Variants in DNM3 observed in about 807,000 individuals in gnomAD.
DNM3 encodes the protein dynamin 3.
A neutral mutation model predicts 101.6 loss-of-function variants in DNM3; 47 were observed. The ratio of observed to expected loss-of-function variants is 0.46; its 90% CI spans 0.37 to 0.59. The LOEUF (loss-of-function observed/expected upper bound fraction) is 0.59. Ranked by LOEUF, DNM3 falls within the 20% of genes least tolerant of loss-of-function variation. The probability of loss-of-function intolerance (pLI) is 0.00; values close to 1 mark genes in which losing one functional copy is unlikely to be tolerated. For synonymous variants in DNM3, 385 were observed against 387.9 expected (o/e 0.99, Z 0.09); for missense variants, 849 against 1,085.7 (o/e 0.78, Z 3.06).
chr1:172,309,444 T>C (rs2064987798), intron 16 of DNM3: 1 of 152,226 alleles, frequency 6.6e-6, no homozygotes, highest in African/African-American at 2.4e-5. Flanking sequence ...TTGTGTTCTT[T>C]GGAAAATGTA....
intron 1 of DNM3, among the ~76,000 whole-genome samples, chr1:171,857,238 A>C: frequency 6.6e-6 from 1 of 152,318 alleles, no homozygotes; most frequent in East Asian, 1.9e-4. Context: ...GGATACATAG[A>C]TGGAGGGAGA....
chr1:172,107,256 CTG>C (rs1195271693), intron 13 of DNM3, among the ~76,000 whole-genome samples: 3 of 152,146 alleles, frequency 2.0e-5, no homozygotes, highest in Non-Finnish European at 4.4e-5. Context: ...GAAAAAAATA[CTG>C]TGTACTTTAT....
chr1:172,194,938 T>A (rs1292672054), intron 14 of DNM3, among the ~76,000 whole-genome samples: 3 of 152,164 alleles, frequency 2.0e-5, no homozygotes, highest in African/African-American at 7.2e-5. Context: ...CATTAGTTGA[T>A]GCAGTTTCTT....
chr1:172,029,212 C>T (rs2048425157), intron 4 of DNM3, among the ~76,000 whole-genome samples: 1 of 152,146 alleles, frequency 6.6e-6, no homozygotes, highest in Non-Finnish European at 1.5e-5. Context: ...TTATCCACCA[C>T]AATTAAGTTG....
intron 14 of DNM3, among the ~76,000 whole-genome samples, chr1:172,233,322 C>A (rs948650617): frequency 1.2e-4 from 19 of 152,142 alleles, no homozygotes; most frequent in Admixed American, 5.2e-4. Flanking sequence ...CACATACACC[C>A]TCAGAAGACT....
At chr1:172,021,583 T>C (rs935781990) in intron 4 of DNM3, among the ~76,000 whole-genome samples, 5 of 152,248 alleles carry the variant, frequency 3.3e-5, no homozygotes, top group African/African-American at 1.2e-4. Flanking sequence ...ATTACTGTAT[T>C]GATGCAGTTG....
intron 12 of DNM3, among the ~76,000 whole-genome samples, chr1:172,082,705 G>A (rs2053249456): frequency 6.6e-6 from 1 of 152,166 alleles, no homozygotes; most frequent in South Asian, 2.1e-4. Context: ...ATAAAAAAAT[G>A]ACAGAATGTC....
intron 1 of DNM3, among the ~76,000 whole-genome samples, chr1:171,859,433 G>A (rs2033951931): frequency 6.6e-6 from 1 of 151,864 alleles, no homozygotes; most frequent in South Asian, 2.1e-4. Context: ...TCGAGGGCAG[G>A]GTCTCTTTTA....
chr1:171,982,628 C>T (rs1047173900), intron 2 of DNM3, among the ~76,000 whole-genome samples: 12 of 151,178 alleles, frequency 7.9e-5, no homozygotes, highest in African/African-American at 2.7e-4. Flanking sequence ...TGAGGTCACT[C>T]ATTTAGGATC....
intron 1 of DNM3, among the ~76,000 whole-genome samples, chr1:171,918,229 G>A (rs529401752): frequency 8.5e-5 from 13 of 152,234 alleles, no homozygotes; most frequent in African/African-American, 2.2e-4. Flanking sequence ...ACATTTTTCC[G>A]TGGTGCTTGG....
At position 172,388,677 on chromosome 1, in the gene DNM3, G is replaced by T. The variant is rs1396280258; in HGVS notation, c.2390G>T (p.Gly797Val). The T allele has an allele frequency of 6.2e-7, 1 of 1,613,856 alleles. No homozygotes were observed. The highest frequency in any genetic ancestry group is 1.7e-5 in the Admixed American group (1 of 60,008). Residue 797 changes from glycine (G) to valine (V), a missense_variant, in exon 20 of 21, where the codon GGC (glycine) becomes GTC (valine). By Grantham distance (109) the Gly-to-Val change is moderately radical. Around this residue, in one of 5 missense-constraint regions of DNM3, gnomAD observed 256 missense variants for 311.7 expected, o/e 0.82. Transcript: ENST00000627582. ...CCAGCTCCTGCCATTCCCTCTCCTGGCCCCCACTCTGGGGCTCCTCCAGTC... is the reference window on the plus strand; with the variant it reads ...CCAGCTCCTGCCATTCCCTCTCCTGTCCCCCACTCTGGGGCTCCTCCAGTC... ...RGPAPAIPSP[G>V]PHSGAPPVPF... is the part of the protein sequence containing the mutation.
chr1:172,264,154 G>A (rs2062772383), intron 15 of DNM3, among the ~76,000 whole-genome samples: 1 of 152,156 alleles, frequency 6.6e-6, no homozygotes, highest in South Asian at 2.1e-4. Flanking sequence ...TACTTCAAAT[G>A]GGAAATAGTA....
At chr1:172,005,150 A>T (rs1485894601) in intron 4 of DNM3, among the ~76,000 whole-genome samples, 4 of 152,000 alleles carry the variant, frequency 2.6e-5, no homozygotes, top group Non-Finnish European at 2.9e-5. Flanking sequence ...AAATTTCTTA[A>T]TTTCTCTGTG....
intron 4 of DNM3, among the ~76,000 whole-genome samples, chr1:172,027,233 T>C (rs1438707894): frequency 1.3e-5 from 2 of 152,070 alleles, no homozygotes; most frequent in African/African-American, 2.4e-5. Context: ...CAGGATCAAA[T>C]TCACACATAA....
chr1:172,408,097 C>G lies in DNM3; in HGVS notation c.*256C>G. The stretch of plus-strand genomic sequence containing the variant: ...GGTAGGTTTGTATAGCAGCCCTATA[C>G]TTTGGGGATCATTTGCCTACCATGG... On this transcript the variant is annotated 3_prime_UTR_variant, in exon 21 of 21. Transcript: ENST00000627582. 7.9e-7 allele frequency: 1 copy of G among 1,259,998 alleles called. No individual in the cohort carries two copies. Among genetic ancestry groups the G allele is most frequent in the Non-Finnish European group, 1.0e-6 (1 of 997,558 alleles). The allele number at this position is 1,259,998 out of a possible 1,614,324, so 78.1% of individuals were successfully genotyped here.
chr1:171,977,002 A>G (rs969190942), intron 2 of DNM3, among the ~76,000 whole-genome samples: 1 of 152,026 alleles, frequency 6.6e-6, no homozygotes, highest in African/African-American at 2.4e-5. Flanking sequence ...AAGTCTCATC[A>G]TTTTGCTTTT....
chr1:171,863,860 T>C (rs1028765136), intron 1 of DNM3, among the ~76,000 whole-genome samples: 4 of 152,190 alleles, frequency 2.6e-5, no homozygotes, highest in Non-Finnish European at 4.4e-5. Flanking sequence ...AGCCCACAGG[T>C]AGAAGGTATT....
At chr1:172,155,436 G>A (rs115965415) in intron 14 of DNM3, among the ~76,000 whole-genome samples, 1,781 of 151,964 alleles carry the variant, frequency 0.012, 24 homozygotes, top group African/African-American at 0.04. Context: ...GCTAATTAAG[G>A]TTTATTTTAT....
chr1:171,898,705 T>TATATAG (rs368049481), intron 1 of DNM3, among the ~76,000 whole-genome samples: 2 of 150,422 alleles, frequency 1.3e-5, no homozygotes, highest in African/African-American at 4.9e-5. Flanking sequence ...TATATATATA[T>TATATAG]AGAGAGAGAG....
Sources: allele counts gnomAD v4.1 joint callset (sites outside exome capture counted in the v4.1 genomes callset), GRCh38; gene constraint gnomAD v4.1.1; regional missense constraint gnomAD v4.1.1; transcripts MANE v1.5; gene names NCBI Gene and HGNC (gene_info 2026-07-23, HGNC 2026-07-21).